LDAH: variants seen among roughly 807,000 people sequenced by gnomAD.
LDAH encodes lipid droplet-associated hydrolase.
LDAH carries 26 observed loss-of-function variants against 29.6 expected under a neutral mutation model. The ratio of observed to expected loss-of-function variants is 0.88; its 90% CI spans 0.64 to 1.22. LDAH has a LOEUF of 1.22. Ranked by LOEUF, LDAH falls within the 50% of genes most tolerant of loss-of-function variation. LDAH has a pLI of 0.00. For synonymous variants in LDAH, 117 were observed against 133.0 expected (o/e 0.88, Z 0.83); for missense variants, 344 against 387.3 (o/e 0.89, Z 0.94).
intron 1 of LDAH, among the ~76,000 whole-genome samples, chr2:20,801,838 C>T (rs762088907): frequency 3.0e-4 from 46 of 151,904 alleles, no homozygotes; most frequent in Non-Finnish European, 5.9e-4. Context: ...TCTGGCTTGC[C>T]CTTGCATTCA....
In LDAH at chr2:20,740,662, G is replaced by A. The variant is rs527927208; in HGVS notation, c.469-457C>T. ...TATCCTATCATCTGAATGTACCGTA[G>A]TGTATTTATTCATTCACCTACTGAA... is the stretch of plus-strand genomic sequence containing the variant. On this transcript the variant is annotated intron_variant, in intron 4 of 6. Coordinates refer to ENST00000237822, the MANE Select transcript of LDAH (RefSeq NM_021925.4). Among the ~76,000 whole-genome samples, 17 of 152,244 alleles carry A rather than the reference G, an allele frequency of 1.1e-4. No homozygotes were observed. The South Asian group carries it at 3.5e-3, about 32-fold the overall frequency.
chr2:20,742,793 CTTTTTTTT>C (rs71391767), intron 4 of LDAH, among the ~76,000 whole-genome samples: 9 of 114,408 alleles, frequency 7.9e-5, no homozygotes, highest in South Asian at 3.3e-4. Flanking sequence ...TTTCTTTTTC[CTTTTTTTT>C]TTTTTTTTTT....
At chr2:20,789,670 CCT>C (rs1052059959) in intron 3 of LDAH, among the ~76,000 whole-genome samples, 35 of 152,252 alleles carry the variant, frequency 2.3e-4, no homozygotes, top group Admixed American at 2.0e-4. Flanking sequence ...GTTCCCAACC[CCT>C]GTCTGTGGCC....
rs145812456 is a variant in LDAH, at chr2:20,813,148, T to C, written c.-3+9889A>G. On this transcript the variant is annotated intron_variant, in intron 1 of 6. Coordinates refer to ENST00000237822, the MANE Select transcript of LDAH (RefSeq NM_021925.4). ...TGGATAAATGAGATATAATGCATGC[T>C]GTGATTTTTCTAAACAATTTTTTAA... Among the ~76,000 whole-genome samples the C allele has an allele frequency of 4.3e-3, 654 of 152,326 alleles. 4 individuals are homozygous for C. Among genetic ancestry groups the C allele is most frequent in the African/African-American group, 0.015 (624 of 41,584 alleles).
chr2:20,750,896 T>G (rs1667924089), intron 4 of LDAH, among the ~76,000 whole-genome samples: 1 of 152,138 alleles, frequency 6.6e-6, no homozygotes, highest in Non-Finnish European at 1.5e-5. Flanking sequence ...CCTAACCAAA[T>G]TAATGCAGGA....
rs541993274 is a variant in LDAH, at chr2:20,703,638, CT to C, written c.704-1987del. Reference sequence around the variant, plus strand: ...CAACATTTGTTTTCGTTACAGTTACCTTTTTTTCCCTCTTAACTCTACTCAA... The same window carrying C: ...CAACATTTGTTTTCGTTACAGTTACCTTTTTTCCCTCTTAACTCTACTCAA... On this transcript the variant is annotated intron_variant, in intron 5 of 6. Transcript: ENST00000237822. Among the ~76,000 whole-genome samples, 67 of 152,216 alleles carry C rather than the reference CT, an allele frequency of 4.4e-4. 2 individuals carry two copies. The South Asian group carries it at 8.5e-3, about 19-fold the overall frequency.
At chr2:20,798,022 G>A (rs1671422439) in intron 2 of LDAH, among the ~76,000 whole-genome samples, 1 of 152,082 alleles carries the variant, frequency 6.6e-6, no homozygotes, top group Admixed American at 6.6e-5. Context: ...GCGAAAATCA[G>A]AAATGATACC....
At chr2:20,814,895 T>C (rs1392420075) in intron 1 of LDAH, among the ~76,000 whole-genome samples, 6 of 152,180 alleles carry the variant, frequency 3.9e-5, no homozygotes, top group Admixed American at 3.9e-4. Context: ...TTAGGGCCTG[T>C]AACAAGGAAT....
At chr2:20,792,519 C>T (rs907288757) in intron 2 of LDAH, among the ~76,000 whole-genome samples, 11 of 151,980 alleles carry the variant, frequency 7.2e-5, no homozygotes, top group Admixed American at 3.3e-4. Context: ...ATCAGTAATC[C>T]GGTGTAGGAT....
chr2:20,717,467 A>G (rs1665303372), intron 5 of LDAH, among the ~76,000 whole-genome samples: 1 of 152,202 alleles, frequency 6.6e-6, no homozygotes, highest in African/African-American at 2.4e-5. Context: ...TCAAATTATG[A>G]AAAAGTACTC....
chr2:20,783,061 G>A (rs1002480035), intron 3 of LDAH, among the ~76,000 whole-genome samples: 1 of 152,030 alleles, frequency 6.6e-6, no homozygotes, highest in Non-Finnish European at 1.5e-5. Flanking sequence ...TTACTCTTCA[G>A]ACTTCACTGA....
intron 5 of LDAH, among the ~76,000 whole-genome samples, chr2:20,719,242 A>ATTTTT: frequency 8.9e-6 from 1 of 112,824 alleles, no homozygotes; most frequent in African/African-American, 2.9e-5. Flanking sequence ...TTTTTTTTTA[A>ATTTTT]AGATAGACAA....
chr2:20,753,900 A>G (rs974775673), intron 4 of LDAH, among the ~76,000 whole-genome samples: 5 of 152,230 alleles, frequency 3.3e-5, no homozygotes, highest in African/African-American at 1.2e-4. Context: ...CAAAATCAAT[A>G]TGGTAATGAA....
At chr2:20,783,556 A>G (rs773148959) in intron 3 of LDAH, among the ~76,000 whole-genome samples, 1 of 152,104 alleles carries the variant, frequency 6.6e-6, no homozygotes, top group African/African-American at 2.4e-5. Context: ...TTTATCCCTG[A>G]CATTTTCTTT....
At chr2:20,776,637 AAG>A (rs1256959910) in intron 3 of LDAH, among the ~76,000 whole-genome samples, 1 of 152,192 alleles carries the variant, frequency 6.6e-6, no homozygotes, top group Non-Finnish European at 1.5e-5. Context: ...CAGAATTGGG[AAG>A]AGAGAGAATC....
intron 5 of LDAH, among the ~76,000 whole-genome samples, chr2:20,727,601 G>A (rs1201582118): frequency 6.6e-6 from 1 of 152,098 alleles, no homozygotes; most frequent in Non-Finnish European, 1.5e-5. Flanking sequence ...CCTAACTAAC[G>A]AAAAGACCCT....
chr2:20,772,790 C>A (rs536340475), intron 4 of LDAH, among the ~76,000 whole-genome samples: 5 of 152,180 alleles, frequency 3.3e-5, no homozygotes, highest in South Asian at 2.1e-4. Context: ...TGGCCTCCCC[C>A]CAAATGCCAC....
At chr2:20,736,385 T>C (rs1666787088) in intron 5 of LDAH, among the ~76,000 whole-genome samples, 1 of 151,946 alleles carries the variant, frequency 6.6e-6, no homozygotes, top group Non-Finnish European at 1.5e-5. Flanking sequence ...GAGGTTGCAG[T>C]GAGCTGAGAT....
chr2:20,708,831 T>A (rs1050252686), intron 5 of LDAH, among the ~76,000 whole-genome samples: 1 of 152,128 alleles, frequency 6.6e-6, no homozygotes, highest in African/African-American at 2.4e-5. Context: ...TAAATTGGAC[T>A]TCATCAAAAC....
Sources: allele counts gnomAD v4.1 joint callset (sites outside exome capture counted in the v4.1 genomes callset), GRCh38; gene constraint gnomAD v4.1.1; transcripts MANE v1.5; gene names NCBI Gene and HGNC (gene_info 2026-07-23, HGNC 2026-07-21).